MAP3K13: variants seen among roughly 807,000 people sequenced by gnomAD.
MAP3K13 encodes the protein leucine zipper-bearing kinase.
MAP3K13 carries 52 observed loss-of-function variants against 104.0 expected under a neutral mutation model. That is an observed-to-expected ratio of 0.50 (90% confidence interval 0.40 to 0.63). The LOEUF (loss-of-function observed/expected upper bound fraction) is 0.63, where lower values mean the gene tolerates loss of function less well. Ranked by LOEUF, MAP3K13 falls within the 20% of genes least tolerant of loss-of-function variation. The probability of loss-of-function intolerance (pLI) is 0.00; values close to 1 mark genes in which losing one functional copy is unlikely to be tolerated. For missense variants in MAP3K13, 914 were observed against 1,218.5 expected, an observed-to-expected ratio of 0.75 and a Z score of 3.72; for synonymous variants, 394 against 442.2, an observed-to-expected ratio of 0.89 and a Z score of 1.37.
intron 2 of MAP3K13, among the ~76,000 whole-genome samples, chr3:185,333,487 A>T (rs1281283299): frequency 6.6e-6 from 1 of 152,242 alleles, no homozygotes; most frequent in African/African-American, 2.4e-5. Context: ...AAAACCTTAT[A>T]CAATCTATAA....
In MAP3K13 at chr3:185,473,070, G is replaced by C. The variant is rs1717896872; in HGVS notation, c.1739G>C (p.Ser580Thr). The stretch of plus-strand genomic sequence containing the variant: ...AGTCCCAAAATGTCCACTTCTAGCA[G>C]CAAGAGCCGATATCGAAGCAAACCA... ...SGSPKMSTSS[S>T]KSRYRSKPRH... The change falls in exon 11 of 14, where the codon AGC (serine) becomes ACC (threonine). Residue 580 changes from serine (S) to threonine (T), a missense_variant. This residue lies in a region of MAP3K13 where 583 missense variants were observed against 737.4 expected (regional missense o/e 0.79). Coordinates refer to ENST00000265026, the MANE Select transcript of MAP3K13 (RefSeq NM_004721.5). The surrounding 1 kb of genome is among the most constrained non-coding windows in gnomAD (Gnocchi z 4.9). 3.7e-6 allele frequency: 6 copies of C among 1,614,136 alleles called. No homozygotes were observed. Among genetic ancestry groups the C allele is most frequent in the African/African-American group, 1.3e-5 (1 of 75,010 alleles).
intron 1 of MAP3K13, among the ~76,000 whole-genome samples, chr3:185,397,729 C>A (rs1490485349): frequency 6.6e-6 from 1 of 151,896 alleles, no homozygotes; most frequent in Non-Finnish European, 1.5e-5. Context: ...TATAATATAT[C>A]TAGGATGTCT....
At chr3:185,325,126 T>A (rs1156431380) in intron 2 of MAP3K13, among the ~76,000 whole-genome samples, 1 of 152,246 alleles carries the variant, frequency 6.6e-6, no homozygotes, top group Non-Finnish European at 1.5e-5. Flanking sequence ...TAAGTAGACG[T>A]AGTTAGGCTG....
chr3:185,473,078 C>T lies in MAP3K13; in HGVS notation c.1747C>T (p.Arg583Ter), dbSNP rs1178695004. The change falls in exon 11 of 14, where the codon CGA becomes TGA. Residue 583 changes from arginine (R) to a stop codon, truncating the protein, a stop_gained. Coordinates refer to ENST00000265026, the MANE Select transcript of MAP3K13 (RefSeq NM_004721.5). LOFTEE classifies it high-confidence loss of function. This position sits in a 1 kb window ranked among gnomAD's most constrained non-coding sequence, Gnocchi z 4.9. Reference sequence around the variant, plus strand: ...AATGTCCACTTCTAGCAGCAAGAGCCGATATCGAAGCAAACCACGCCACCG... The same window carrying T: ...AATGTCCACTTCTAGCAGCAAGAGCTGATATCGAAGCAAACCACGCCACCG... ...PKMSTSSSKS[R>*]YRSKPRHRRG... 1.9e-6 allele frequency: 3 copies of T among 1,614,012 alleles called. No individual in the cohort carries two copies. Among genetic ancestry groups the T allele is most frequent in the Admixed American group, 1.7e-5 (1 of 59,978 alleles).
chr3:185,483,599 C>CA lies in MAP3K13; in HGVS notation c.*1145dup, dbSNP rs1718577793. ...CTTGTCTACTTGAGTCATATTGATTCAAGCAGGAGAACAGACTTTGAAGGC... is the reference window on the plus strand; with the variant it reads ...CTTGTCTACTTGAGTCATATTGATTCAAAGCAGGAGAACAGACTTTGAAGGC... On this transcript the variant is annotated 3_prime_UTR_variant, in exon 14 of 14. Transcript: ENST00000265026. 4.6e-6 allele frequency: 1 copy of CA among 216,514 alleles called. No homozygotes were observed. The highest frequency in any genetic ancestry group is 6.8e-5 in the East Asian group (1 of 14,720). The allele number at this position is 216,514 out of a possible 1,614,324, so 13.4% of individuals were successfully genotyped here. A position where few individuals can be genotyped will look rare whatever the true frequency, so the allele number is the denominator to read the frequency against.
rs555950750 is a variant in MAP3K13, at chr3:185,402,178, G to A, written c.-85-26319G>A. Among the ~76,000 whole-genome samples, 46 of 152,252 alleles carry A rather than the reference G, an allele frequency of 3.0e-4. 1 individual carries two copies. The South Asian group carries it at 4.1e-3, about 14-fold the overall frequency. On this transcript the variant is annotated intron_variant, in intron 1 of 13. Transcript: ENST00000265026. Reference sequence around the variant, plus strand: ...TCTTAAAAACGGTCCTAGGAAAGACGCCACTGTATTTGCTGGGAAGCTATT... The same window carrying A: ...TCTTAAAAACGGTCCTAGGAAAGACACCACTGTATTTGCTGGGAAGCTATT...
intron 1 of MAP3K13, among the ~76,000 whole-genome samples, chr3:185,400,902 TTTG>T (rs1465517945): frequency 6.8e-5 from 5 of 73,846 alleles, no homozygotes; most frequent in Non-Finnish European, 1.3e-4. Flanking sequence ...TGGGTGTTTG[TTTG>T]TTTTTTTTTT....
At chr3:185,438,882 T>C (rs1463578804) in intron 3 of MAP3K13, among the ~76,000 whole-genome samples, 2 of 152,222 alleles carry the variant, frequency 1.3e-5, no homozygotes, top group African/African-American at 4.8e-5. Flanking sequence ...ATATTTGATA[T>C]GTATTTTGCA....
At chr3:185,335,049 AC>A (rs1722431893) in intron 2 of MAP3K13, among the ~76,000 whole-genome samples, 2 of 150,342 alleles carry the variant, frequency 1.3e-5, no homozygotes, top group African/African-American at 2.4e-5. Flanking sequence ...AAAAAAAAAA[AC>A]AGCAATCTTG....
At chr3:185,381,704 G>A (rs1334605934) in intron 1 of MAP3K13, among the ~76,000 whole-genome samples, 2 of 152,202 alleles carry the variant, frequency 1.3e-5, no homozygotes, top group South Asian at 2.1e-4. Flanking sequence ...AGGCTATGAT[G>A]TGCCTTACAG....
At chr3:185,320,656 A>G (rs1422910635) in intron 2 of MAP3K13, among the ~76,000 whole-genome samples, 1 of 152,212 alleles carries the variant, frequency 6.6e-6, no homozygotes, top group African/African-American at 2.4e-5. Flanking sequence ...TCATAGACAA[A>G]TGTAAAAGAA....
chr3:185,369,974 A>G (rs1724075261), intron 1 of MAP3K13, among the ~76,000 whole-genome samples: 1 of 152,234 alleles, frequency 6.6e-6, no homozygotes, highest in Non-Finnish European at 1.5e-5. Flanking sequence ...ATCCTTAGCA[A>G]GGCAGTTACC....
At chr3:185,400,905 G>GTTTTTTTTTTTTTTT (rs71164506) in intron 1 of MAP3K13, among the ~76,000 whole-genome samples, 63 of 107,250 alleles carry the variant, frequency 5.9e-4, no homozygotes, top group East Asian at 8.2e-4. Context: ...GTGTTTGTTT[G>GTTTTTTTTTTTTTTT]TTTTTTTTTT....
At chr3:185,360,818 C>CT (rs532196266), upstream of MAP3K13, among the ~76,000 whole-genome samples, 2,749 of 78,054 alleles carry the variant, frequency 0.035, 185 homozygotes, top group African/African-American at 0.097. Flanking sequence ...ACAGCTTTAG[C>CT]TTTTTTTTTT....
intron 1 of MAP3K13, among the ~76,000 whole-genome samples, chr3:185,403,920 T>C (rs541037335): frequency 2.2e-4 from 33 of 152,338 alleles, no homozygotes; most frequent in Non-Finnish European, 4.4e-4. Flanking sequence ...TTTGCTTTTT[T>C]CCCCCTCCTT....
intron 1 of MAP3K13, among the ~76,000 whole-genome samples, chr3:185,367,591 G>A (rs1278728752): frequency 1.3e-5 from 2 of 151,854 alleles, no homozygotes. Context: ...CACTTTCTAC[G>A]TGTCTGTAAA....
At chr3:185,301,119 A>T (rs139510669) in intron 2 of MAP3K13, among the ~76,000 whole-genome samples, 9,859 of 149,486 alleles carry the variant, frequency 0.066, 448 homozygotes, top group Non-Finnish European at 0.089. Context: ...TATTATTTTT[A>T]TTTATTTATT....
chr3:185,319,701 C>T (rs1302234385), intron 2 of MAP3K13, among the ~76,000 whole-genome samples: 3 of 152,180 alleles, frequency 2.0e-5, no homozygotes, highest in Admixed American at 6.5e-5. Flanking sequence ...TATCAATTCA[C>T]GTTCTCTAAA....
At chr3:185,478,415 A>G (rs1467336680) in intron 12 of MAP3K13, among the ~76,000 whole-genome samples, 1 of 152,154 alleles carries the variant, frequency 6.6e-6, no homozygotes, top group Non-Finnish European at 1.5e-5. Flanking sequence ...TGGCCCTTTG[A>G]TAAGTTATAT....
Sources: gnomAD v4.1 joint callset for allele counts (sites outside exome capture counted in the v4.1 genomes callset) on GRCh38, gnomAD v4.1.1 for gene constraint, gnomAD v4.1.1 regional missense constraint, Gnocchi (gnomAD v3.1) non-coding constraint, MANE v1.5 for transcripts, NCBI Gene and HGNC (gene_info 2026-07-23, HGNC 2026-07-21) for gene names.